The following ARHGEF3 variants were observed in gnomAD, a reference collection of about 807,000 sequenced individuals.
The protein encoded by ARHGEF3 is Rho guanine nucleotide exchange factor 3, also known as 59.8 kDA protein.
ARHGEF3 carries 28 observed loss-of-function variants against 63.2 expected under a neutral mutation model. The ratio of observed to expected loss-of-function variants is 0.44; its 90% confidence interval spans 0.33 to 0.61. The LOEUF (loss-of-function observed/expected upper bound fraction) is 0.61, where lower values mean the gene tolerates loss of function less well. Ranked by LOEUF, ARHGEF3 falls within the 20% of genes least tolerant of loss-of-function variation. ARHGEF3 has a pLI of 0.03. For missense variants in ARHGEF3, 533 were observed against 659.3 expected (o/e 0.81, Z 2.10); for synonymous variants, 266 against 254.2 (o/e 1.05, Z -0.44).
intron 4 of ARHGEF3, among the ~76,000 whole-genome samples, chr3:56,815,019 C>T (rs2038215810): frequency 6.6e-6 from 1 of 151,948 alleles, no homozygotes; most frequent in Non-Finnish European, 1.5e-5. Flanking sequence ...TGGCATATGC[C>T]TATGGTGACA....
intron 3 of ARHGEF3, among the ~76,000 whole-genome samples, chr3:56,958,463 G>A (rs1408597723): frequency 7.2e-6 from 1 of 138,948 alleles, no homozygotes; most frequent in Non-Finnish European, 1.7e-5. Flanking sequence ...TGAGTAGCTA[G>A]GACTACAGGC....
rs1394369370 is a variant in ARHGEF3 at position 56,732,353 on chromosome 3, G to C, written c.1113C>G (p.Cys371Trp). 2 of 1,614,226 alleles carry C rather than the reference G, an allele frequency of 1.2e-6. No individual in the cohort carries two copies. Among genetic ancestry groups the C allele is most frequent in the South Asian group, 2.2e-5 (2 of 91,084 alleles). Residue 371 changes from cysteine (C) to tryptophan (W), a missense_variant, in exon 9 of 10, where the codon TGC becomes TGG. By Grantham distance (215) the Cys-to-Trp change is radical. Coordinates refer to ENST00000296315, the MANE Select transcript of ARHGEF3 (RefSeq NM_019555.3). ...TRAVTHNEQL[C>W]YQLYRQPIPV... ...GGATTGGCTGACGGTACAGCTGGTA[G>C]CAAAGCTGCTCATTGTGGGTGACGG...
At position 56,817,739 on chromosome 3, in the gene ARHGEF3, C is replaced by T. The variant is rs572353003; in HGVS notation, c.193-43923G>A. Among the ~76,000 whole-genome samples, 10 of 152,322 alleles carry T rather than the reference C, an allele frequency of 6.6e-5. No individual in the cohort carries two copies. The East Asian group carries it at 1.9e-3, about 29-fold the overall frequency. On this transcript the variant is annotated intron_variant, in intron 4 of 12. Coordinates refer to the ARHGEF3 transcript ENST00000338458. ...GATAAGTAACTTGCTCAAGATCACA[C>T]AGCTACTAAATAGCCATGCCAGAAC...
intron 1 of ARHGEF3, among the ~76,000 whole-genome samples, chr3:57,036,328 G>C (rs767373414): frequency 1.3e-5 from 2 of 152,086 alleles, no homozygotes; most frequent in Non-Finnish European, 2.9e-5. Flanking sequence ...AATACCATTC[G>C]GGTGCATGAC....
At chr3:57,059,019 C>T (rs1262416643) in intron 1 of ARHGEF3, among the ~76,000 whole-genome samples, 2 of 150,280 alleles carry the variant, frequency 1.3e-5, no homozygotes. Flanking sequence ...GGAGGGATAG[C>T]ATTAGGAGAT....
chr3:56,853,378 C>T (rs2039744100), intron 4 of ARHGEF3, among the ~76,000 whole-genome samples: 2 of 152,138 alleles, frequency 1.3e-5, no homozygotes, highest in African/African-American at 4.8e-5. Context: ...CTCTTGTCCC[C>T]CAGCCTGGAG....
chr3:56,922,233 T>C lies in ARHGEF3; in HGVS notation c.129+36590A>G, dbSNP rs2042162521. On this transcript the variant is annotated intron_variant, in intron 3 of 12. Coordinates refer to the ARHGEF3 transcript ENST00000338458. ...CTTGCAAATAAGCTCATCCAGTTTATTTCTTAGAAACATAAACACCCTGGG... is the reference window on the plus strand; with the variant it reads ...CTTGCAAATAAGCTCATCCAGTTTACTTCTTAGAAACATAAACACCCTGGG... Among the ~76,000 whole-genome samples, 5 of 152,216 alleles carry C rather than the reference T, an allele frequency of 3.3e-5. No homozygotes were observed. The South Asian group carries it at 1.0e-3, about 32-fold the overall frequency.
chr3:57,059,734 C>T (rs1328450372), intron 1 of ARHGEF3, among the ~76,000 whole-genome samples: 3 of 152,132 alleles, frequency 2.0e-5, no homozygotes, highest in South Asian at 2.1e-4. Flanking sequence ...TGGTGGCTCA[C>T]GCCTGTAATC....
chr3:56,978,074 T>C (rs1444985161), intron 2 of ARHGEF3, among the ~76,000 whole-genome samples: 2 of 152,184 alleles, frequency 1.3e-5, no homozygotes, highest in South Asian at 2.1e-4. Flanking sequence ...ATGCCAGCAT[T>C]CAGTGGGGAC....
chr3:56,781,176 T>G (rs1471296661), intron 1 of ARHGEF3, among the ~76,000 whole-genome samples: 1 of 151,928 alleles, frequency 6.6e-6, no homozygotes, highest in Non-Finnish European at 1.5e-5. Flanking sequence ...CACCAGGAAC[T>G]TGGAAGAAGA....
intron 7 of ARHGEF3, among the ~76,000 whole-genome samples, chr3:56,739,164 C>T (rs999157382): frequency 6.6e-6 from 1 of 151,986 alleles, no homozygotes; most frequent in African/African-American, 2.4e-5. Flanking sequence ...ATTCTCTGTC[C>T]CCTAAAAGTG....
chr3:56,841,825 A>G (rs2039317559), intron 4 of ARHGEF3, among the ~76,000 whole-genome samples: 1 of 152,186 alleles, frequency 6.6e-6, no homozygotes, highest in African/African-American at 2.4e-5. Flanking sequence ...GGAGCGCCAA[A>G]ACCCACATAC....
intron 3 of ARHGEF3, chr3:56,940,500 T>C (rs1578893948): frequency 6.6e-6 from 1 of 152,184 alleles, no homozygotes; most frequent in African/African-American, 2.4e-5. Context: ...GAAACGGCTT[T>C]GAATCTAAGA....
At chr3:56,786,063 G>C (rs138870038) in intron 1 of ARHGEF3, among the ~76,000 whole-genome samples, 101 of 152,200 alleles carry the variant, frequency 6.6e-4, no homozygotes, top group African/African-American at 2.2e-3. Context: ...CCCTTCAAAT[G>C]TTTGGTCCAT....
At chr3:57,014,049 C>G (rs1192619900) in intron 2 of ARHGEF3, among the ~76,000 whole-genome samples, 4 of 152,150 alleles carry the variant, frequency 2.6e-5, no homozygotes, top group African/African-American at 9.7e-5. Flanking sequence ...CCGCGAAGGT[C>G]TGGAGCTTCA....
chr3:57,043,490 T>TA (rs10709339), intron 1 of ARHGEF3, among the ~76,000 whole-genome samples: 124 of 145,942 alleles, frequency 8.5e-4, no homozygotes, highest in East Asian at 2.4e-3. Context: ...GTTTCAAAGT[T>TA]AAAAAAAAAA....
At chr3:56,893,857 C>T (rs898137265) in intron 3 of ARHGEF3, among the ~76,000 whole-genome samples, 2 of 139,206 alleles carry the variant, frequency 1.4e-5, no homozygotes, top group African/African-American at 5.4e-5. Flanking sequence ...AAAAAATCCA[C>T]TGCCTTGCTG....
intron 1 of ARHGEF3, among the ~76,000 whole-genome samples, chr3:56,788,624 C>T (rs763892842): frequency 4.6e-5 from 7 of 152,018 alleles, no homozygotes; most frequent in African/African-American, 9.7e-5. Context: ...ACCTAATCCA[C>T]CCTCATCTGC....
At position 56,729,219 on chromosome 3, in the gene ARHGEF3, A is replaced by G; in HGVS notation, c.*51T>C. 6.6e-7 allele frequency: 1 copy of G among 1,509,290 alleles called. No individual in the cohort carries two copies. Among genetic ancestry groups the G allele is most frequent in the Non-Finnish European group, 9.0e-7 (1 of 1,111,202 alleles). The allele number at this position is 1,509,290 out of a possible 1,614,324, so 93.5% of individuals were successfully genotyped here. ...AAACCGTTCCATCTGTGGAATGCAA[A>G]TACTGTACAGGTAAGATGCAGGCCT... On this transcript the variant is annotated 3_prime_UTR_variant, in exon 10 of 10. Coordinates refer to ENST00000296315, the MANE Select transcript of ARHGEF3 (RefSeq NM_019555.3).
Sources: gnomAD v4.1 joint callset for allele counts (sites outside exome capture counted in the v4.1 genomes callset) on GRCh38, gnomAD v4.1.1 for gene constraint, MANE v1.5 for transcripts, NCBI Gene and HGNC (gene_info 2026-07-23, HGNC 2026-07-21) for gene names.